The following MKLN1 variants were observed in gnomAD, a reference collection of about 807,000 sequenced individuals.
MKLN1 encodes muskelin 1.
Under a neutral mutation model 99.0 loss-of-function variants are expected in MKLN1, and 18 were observed. That is an observed-to-expected ratio of 0.18 (90% CI 0.13 to 0.27). The LOEUF is 0.27. Ranked by LOEUF, MKLN1 falls within the 10% of genes least tolerant of loss-of-function variation. The pLI, the probability that MKLN1 is intolerant of heterozygous loss-of-function variation, is 1.00. For missense variants in MKLN1, 621 were observed against 875.9 expected (o/e 0.71, Z 3.67); for synonymous variants, 288 against 293.2 (o/e 0.98, Z 0.18).
At chr7:131,126,887 C>T (rs117423563) in intron 1 of MKLN1, among the ~76,000 whole-genome samples, 2,446 of 152,072 alleles carry the variant, frequency 0.016, 24 homozygotes, top group African/African-American at 0.024. Flanking sequence ...GAAATATGGC[C>T]GGGTGTGGTG....
intron 15 of MKLN1, among the ~76,000 whole-genome samples, chr7:131,466,977 G>T (rs1292298005): frequency 1.3e-5 from 2 of 152,084 alleles, no homozygotes; most frequent in Non-Finnish European, 2.9e-5. Context: ...TTGATTTTTA[G>T]CCTAGAAGGT....
intron 2 of MKLN1, among the ~76,000 whole-genome samples, chr7:131,153,487 T>C (rs554754178): frequency 4.6e-5 from 7 of 152,124 alleles, no homozygotes; most frequent in South Asian, 2.1e-4. Context: ...AAATTACTTA[T>C]ATTTAAGATG....
chr7:131,111,706 A>C (rs1795203852), intron 1 of MKLN1, among the ~76,000 whole-genome samples: 1 of 152,208 alleles, frequency 6.6e-6, no homozygotes, highest in Admixed American at 6.5e-5. Flanking sequence ...TTCATTCCTC[A>C]GCACTAGAAC....
At chr7:131,158,829 C>T (rs777643877) in intron 2 of MKLN1, among the ~76,000 whole-genome samples, 5 of 152,276 alleles carry the variant, frequency 3.3e-5, no homozygotes, top group Non-Finnish European at 7.4e-5. Flanking sequence ...TTCATTCACT[C>T]AGAAAGTGTG....
intron 1 of MKLN1, among the ~76,000 whole-genome samples, chr7:131,329,188 C>T (rs770672813): frequency 1.3e-5 from 2 of 152,196 alleles, no homozygotes; most frequent in African/African-American, 2.4e-5. Flanking sequence ...TTTGATTTCA[C>T]TGGTTATATC....
At chr7:131,419,054 C>T (rs954056914) in intron 8 of MKLN1, among the ~76,000 whole-genome samples, 1 of 152,014 alleles carries the variant, frequency 6.6e-6, no homozygotes, top group African/African-American at 2.4e-5. Context: ...TCTTTTATTT[C>T]AGCTAGCTAT....
At chr7:131,447,374 G>C (rs1796046216) in intron 12 of MKLN1, among the ~76,000 whole-genome samples, 1 of 152,050 alleles carries the variant, frequency 6.6e-6, no homozygotes. Context: ...GACTTTCTCT[G>C]GCTTTTAAGA....
intron 8 of MKLN1, among the ~76,000 whole-genome samples, chr7:131,422,925 G>T (rs950541871): frequency 6.6e-6 from 1 of 152,162 alleles, no homozygotes; most frequent in South Asian, 2.1e-4. Context: ...TACTGGATCA[G>T]TTTTATTAAT....
chr7:131,149,654 C>T (rs1189976612), intron 2 of MKLN1, among the ~76,000 whole-genome samples: 6 of 152,188 alleles, frequency 3.9e-5, no homozygotes, highest in East Asian at 3.8e-4. Flanking sequence ...ACATTCCAAA[C>T]AAACAGTTTT....
At chr7:131,223,225 G>T (rs1223619644) in intron 3 of MKLN1, among the ~76,000 whole-genome samples, 1 of 152,136 alleles carries the variant, frequency 6.6e-6, no homozygotes, top group Non-Finnish European at 1.5e-5. Context: ...GAAATTTTTA[G>T]ATGGTTGGCT....
rs11464377 is a variant in MKLN1, at chr7:131,153,664, G to GTTT, written c.-297+10737_-297+10739dup. Among the ~76,000 whole-genome samples the GTTT allele has an allele frequency of 9.1e-4, 127 of 139,524 alleles. 2 individuals are homozygous for GTTT. Among genetic ancestry groups the GTTT allele is most frequent in the African/African-American group, 2.5e-3 (94 of 37,098 alleles). The allele number at this position is 139,524 out of a possible 152,430, so 91.5% of individuals were successfully genotyped here. A position where few individuals can be genotyped will look rare whatever the true frequency, so the allele number is the denominator to read the frequency against. On this transcript the variant is annotated intron_variant, in intron 2 of 7. Transcript: ENST00000416992. ...ACAAAATGAAAGTAGGTTTTTTTTG[G>GTTT]TTTTTTTTTTTTTTTTGAGAAGGAG...
chr7:131,465,684 G>A (rs941298893), intron 14 of MKLN1, among the ~76,000 whole-genome samples: 7 of 152,004 alleles, frequency 4.6e-5, no homozygotes, highest in East Asian at 1.9e-4. Flanking sequence ...GACTACAGGC[G>A]CCCGCCACCA....
chr7:131,481,412 A>T (rs1247810549), intron 17 of MKLN1, among the ~76,000 whole-genome samples: 1 of 152,164 alleles, frequency 6.6e-6, no homozygotes, highest in Non-Finnish European at 1.5e-5. Context: ...TTAAAAATTT[A>T]ATCTTCTAGC....
chr7:131,301,293 C>T (rs2116620604), intron 3 of MKLN1, among the ~76,000 whole-genome samples: 1 of 152,282 alleles, frequency 6.6e-6, no homozygotes, highest in African/African-American at 2.4e-5. Flanking sequence ...GTGAACTAAA[C>T]ATTCAGTTGG....
intron 2 of MKLN1, among the ~76,000 whole-genome samples, chr7:131,193,428 C>T (rs1054396443): frequency 4.6e-5 from 7 of 152,044 alleles, no homozygotes; most frequent in African/African-American, 9.7e-5. Flanking sequence ...TGCAGTGGTG[C>T]GATCTCAGCT....
chr7:131,331,219 A>G (rs1030985497), intron 1 of MKLN1, among the ~76,000 whole-genome samples: 1 of 152,212 alleles, frequency 6.6e-6, no homozygotes, highest in Admixed American at 6.5e-5. Flanking sequence ...ACTGAGGTCC[A>G]TACAGGGTAA....
At chr7:131,124,934 T>C (rs1795430552) in intron 1 of MKLN1, among the ~76,000 whole-genome samples, 2 of 152,196 alleles carry the variant, frequency 1.3e-5, no homozygotes, top group Admixed American at 1.3e-4. Context: ...TCCTGAACTT[T>C]ATGTGATTAA....
chr7:131,364,644 A>G (rs1278951122), intron 1 of MKLN1, among the ~76,000 whole-genome samples: 2 of 151,958 alleles, frequency 1.3e-5, no homozygotes, highest in African/African-American at 4.8e-5. Context: ...TCCACCCTCA[A>G]GTAGTCCCAA....
chr7:131,402,693 A>G lies in MKLN1; in HGVS notation c.703+3260A>G, dbSNP rs548308052. ...ATGGATATGTGTTAGTAGGCATGAA[A>G]ACATTAATATTCCTGTGTTTCTCCA... On this transcript the variant is annotated intron_variant, in intron 6 of 17. Coordinates refer to ENST00000352689, the MANE Select transcript of MKLN1 (RefSeq NM_013255.5). Among the ~76,000 whole-genome samples, 12 of 152,342 alleles carry G rather than the reference A, an allele frequency of 7.9e-5. No individual in the cohort carries two copies. The South Asian group carries it at 2.3e-3, about 29-fold the overall frequency.
Sources: allele counts gnomAD v4.1 joint callset (sites outside exome capture counted in the v4.1 genomes callset), GRCh38; gene constraint gnomAD v4.1.1; transcripts MANE v1.5; gene names NCBI Gene and HGNC (gene_info 2026-07-23, HGNC 2026-07-21).